The following TERF1 variants were observed in gnomAD, a reference collection of about 807,000 sequenced individuals.
The protein encoded by TERF1 is telomeric repeat-binding factor 1.
TERF1 carries 20 observed loss-of-function variants against 55.1 expected under a neutral mutation model. The observed-to-expected ratio is 0.36, with a 90% CI of 0.26 to 0.53. The LOEUF (loss-of-function observed/expected upper bound fraction) is 0.53, where lower values mean the gene tolerates loss of function less well. TERF1 is among the 20% of genes least tolerant of loss of function. The pLI, the probability that TERF1 is intolerant of heterozygous loss-of-function variation, is 0.91. For missense variants in TERF1, 439 were observed against 535.7 expected, an observed-to-expected ratio of 0.82 and a Z score of 1.78; for synonymous variants, 168 against 181.2, an observed-to-expected ratio of 0.93 and a Z score of 0.59.
intron 8 of TERF1, among the ~76,000 whole-genome samples, chr8:73,034,435 T>C (rs1809423891): frequency 8.7e-6 from 1 of 114,968 alleles, no homozygotes. Flanking sequence ...ACCCGGCCTT[T>C]TTGTGTTTTT....
intron 4 of TERF1, 36 bp downstream of exon 4, chr8:73,022,338 G>A (rs1305126140): frequency 1.5e-6 from 2 of 1,354,820 alleles, no homozygotes; most frequent in Non-Finnish European, 2.0e-6. Context: ...AATTTTAGAA[G>A]TGTTTATGTA....
chr8:73,037,844 A>AATATATAATATATAAATATG (rs1586064428), intron 8 of TERF1, among the ~76,000 whole-genome samples: 1 of 94,866 alleles, frequency 1.1e-5, no homozygotes, highest in Non-Finnish European at 2.0e-5. Context: ...TAATATATAT[A>AATATATAATATATAAATATG]ATATATAATA....
chr8:73,033,284 C>T (rs991639645), intron 8 of TERF1, among the ~76,000 whole-genome samples: 2 of 151,894 alleles, frequency 1.3e-5, no homozygotes, highest in African/African-American at 4.8e-5. Flanking sequence ...GATGAGAAAA[C>T]GGAAACTCAG....
intron 2 of TERF1, among the ~76,000 whole-genome samples, chr8:73,020,405 GA>G (rs1404195752): frequency 5.9e-5 from 9 of 152,240 alleles, no homozygotes; most frequent in Non-Finnish European, 4.4e-5. Flanking sequence ...CTGTTGCTAT[GA>G]CATGTTATGT....
intron 8 of TERF1, among the ~76,000 whole-genome samples, chr8:73,037,371 T>G (rs1037981139): frequency 4.2e-5 from 5 of 119,806 alleles, no homozygotes; most frequent in Non-Finnish European, 8.6e-5. Context: ...CATCTGTGGA[T>G]TCAACCAACC....
At chr8:73,015,729 C>CT (rs1462534626) in intron 2 of TERF1, among the ~76,000 whole-genome samples, 2 of 152,006 alleles carry the variant, frequency 1.3e-5, no homozygotes, top group African/African-American at 4.8e-5. Context: ...CCTCTGGAGA[C>CT]TGAGGTAGGA....
rs966985223 is a variant in TERF1 at position 73,008,881 on chromosome 8, T to C, written c.-6T>C. The stretch of plus-strand genomic sequence containing the variant: ...GAAGGGGCAGTACCCAAGCGAGCCA[T>C]TTAACATGGCGGAGGATGTTTCCTC... On this transcript the variant is annotated 5_prime_UTR_variant, in exon 1 of 10. Transcript: ENST00000276603. 2.0e-5 allele frequency: 32 copies of C among 1,600,502 alleles called. No homozygotes were observed. Among genetic ancestry groups the C allele is most frequent in the Non-Finnish European group, 2.6e-5 (31 of 1,174,396 alleles).
At chr8:73,028,708 C>T (rs536343158) in intron 6 of TERF1, among the ~76,000 whole-genome samples, 1 of 151,528 alleles carries the variant, frequency 6.6e-6, no homozygotes, top group South Asian at 2.1e-4. Flanking sequence ...TTATTCTCTC[C>T]AAGGCAAGCT....
At chr8:73,045,094 A>T (rs892928282) in intron 9 of TERF1, among the ~76,000 whole-genome samples, 3 of 152,124 alleles carry the variant, frequency 2.0e-5, no homozygotes, top group Non-Finnish European at 4.4e-5. Context: ...TTTTTTGGGT[A>T]ACTGTCATAC....
chr8:73,019,452 A>G (rs1277573448), intron 2 of TERF1, among the ~76,000 whole-genome samples: 1 of 152,192 alleles, frequency 6.6e-6, no homozygotes, highest in Non-Finnish European at 1.5e-5. Context: ...TCTATTCTAC[A>G]TTCAAAATAA....
At chr8:73,029,547 T>C (rs1432082472) in intron 6 of TERF1, among the ~76,000 whole-genome samples, 2 of 150,396 alleles carry the variant, frequency 1.3e-5, no homozygotes, top group Non-Finnish European at 3.0e-5. Context: ...GCCCGGCAGG[T>C]CTGCAGTAAG....
chr8:73,013,063 G>A (rs1327175312), intron 1 of TERF1: 1 of 344,796 alleles, frequency 2.9e-6, no homozygotes, highest in Non-Finnish European at 6.0e-6. Flanking sequence ...TAGAATTGAG[G>A]GAGGAAATTG....
intron 8 of TERF1, among the ~76,000 whole-genome samples, chr8:73,033,952 T>C (rs1232248469): frequency 6.6e-6 from 1 of 152,164 alleles, no homozygotes; most frequent in Non-Finnish European, 1.5e-5. Flanking sequence ...TTCTCTTCTT[T>C]TTCTGTTTTT....
At chr8:73,042,293 A>G (rs1469068155) in intron 9 of TERF1, among the ~76,000 whole-genome samples, 1 of 152,208 alleles carries the variant, frequency 6.6e-6, no homozygotes, top group Non-Finnish European at 1.5e-5. Flanking sequence ...TAGGATATCG[A>G]CCACATAATC....
chr8:73,022,339 T>G, intron 4 of TERF1, 37 bp downstream of exon 4: 1 of 1,350,090 alleles, frequency 7.4e-7, no homozygotes, highest in Non-Finnish European at 1.0e-6. Context: ...ATTTTAGAAG[T>G]GTTTATGTAG....
intron 2 of TERF1, among the ~76,000 whole-genome samples, chr8:73,014,649 A>G (rs2129728242): frequency 6.6e-6 from 1 of 152,294 alleles, no homozygotes; most frequent in Admixed American, 6.5e-5. Context: ...TTGTATTTAG[A>G]TTGGTTTTTA....
At chr8:73,032,750 TA>T (rs1809343312) in intron 8 of TERF1, among the ~76,000 whole-genome samples, 1 of 152,202 alleles carries the variant, frequency 6.6e-6, no homozygotes, top group African/African-American at 2.4e-5. Flanking sequence ...TCACAGTAGT[TA>T]CGTTTAATAA....
In TERF1 at chr8:73,008,980, GA is replaced by G. The variant is rs1808147273; in HGVS notation, c.95del (p.Glu32GlyfsTer84). The G allele has an allele frequency of 1.9e-6, 3 of 1,612,710 alleles. No homozygotes were observed. On this transcript the variant is annotated frameshift_variant, in exon 1 of 10. Transcript: ENST00000276603. LOFTEE classifies it high-confidence loss of function. ...DPTEEQMAETERNDEEQFECQ... is the reference protein window; with the variant it reads ...DPTEEQMAETXRNDEEQFECQ... ...TACTGAGGAGCAGATGGCAGAAACA[GA>G]GAGAAACGACGAGGAGCAGTTCGAA...
intron 4 of TERF1, among the ~76,000 whole-genome samples, chr8:73,023,477 T>G (rs951188548): frequency 2.0e-5 from 3 of 152,164 alleles, no homozygotes; most frequent in Non-Finnish European, 2.9e-5. Flanking sequence ...GGTTGGGCAG[T>G]TTTGGCAAGG....
Sources: allele counts gnomAD v4.1 joint callset (sites outside exome capture counted in the v4.1 genomes callset), GRCh38; gene constraint gnomAD v4.1.1; transcripts MANE v1.5; gene names NCBI Gene and HGNC (gene_info 2026-07-23, HGNC 2026-07-21).